HCN1: variants seen among roughly 807,000 people sequenced by gnomAD.
The protein encoded by HCN1 is potassium/sodium hyperpolarization-activated cyclic nucleotide-gated channel 1.
Under a neutral mutation model 78.9 loss-of-function variants are expected in HCN1, and 13 were observed. The observed-to-expected ratio is 0.16, with a 90% CI of 0.11 to 0.26. The LOEUF (loss-of-function observed/expected upper bound fraction) is 0.26. HCN1 is among the 10% of genes least tolerant of loss of function. The pLI is 1.00. For synonymous variants in HCN1, 552 were observed against 455.5 expected, an observed-to-expected ratio of 1.21 and a Z score of -2.70; for missense variants, 810 against 1,154.3, an observed-to-expected ratio of 0.70 and a Z score of 4.32.
chr5:45,458,881 A>C (rs1741084825), intron 3 of HCN1, among the ~76,000 whole-genome samples: 1 of 152,128 alleles, frequency 6.6e-6, no homozygotes, highest in African/African-American at 2.4e-5. Flanking sequence ...AAGTGTATTA[A>C]ATAAATGCAG....
At chr5:45,346,762 C>T (rs1222964918) in intron 5 of HCN1, among the ~76,000 whole-genome samples, 1 of 152,178 alleles carries the variant, frequency 6.6e-6, no homozygotes, top group Non-Finnish European at 1.5e-5. Context: ...TCACTGATTG[C>T]TAGCACAGCA....
intron 2 of HCN1, among the ~76,000 whole-genome samples, chr5:45,620,332 T>A (rs1745033060): frequency 6.6e-6 from 1 of 152,080 alleles, no homozygotes; most frequent in Non-Finnish European, 1.5e-5. Flanking sequence ...ATGTACAATG[T>A]ACAATATACC....
chr5:45,288,009 C>T (rs1376391811), intron 6 of HCN1, among the ~76,000 whole-genome samples: 4 of 151,962 alleles, frequency 2.6e-5, no homozygotes, highest in Non-Finnish European at 5.9e-5. Context: ...TAGGAATTAA[C>T]ATTATTCCAG....
At chr5:45,464,969 G>A (rs920327937) in intron 2 of HCN1, among the ~76,000 whole-genome samples, 2 of 152,104 alleles carry the variant, frequency 1.3e-5, no homozygotes, top group African/African-American at 2.4e-5. Flanking sequence ...AAATCTAAGT[G>A]TGACTTTATT....
intron 2 of HCN1, among the ~76,000 whole-genome samples, chr5:45,519,683 G>C (rs1251769673): frequency 1.3e-5 from 2 of 151,844 alleles, no homozygotes; most frequent in Non-Finnish European, 2.9e-5. Context: ...ATGAGATTTT[G>C]AGTCTCATTA....
rs370563990 is a variant in HCN1 at position 45,645,018 on chromosome 5, T to C, written c.849+167A>G. ...TTCAAATCCATTATTTGATCATATATTTTAGGGATACAAATATATCACTTA... is the reference window on the plus strand; with the variant it reads ...TTCAAATCCATTATTTGATCATATACTTTAGGGATACAAATATATCACTTA... On this transcript the variant is annotated intron_variant, in intron 2 of 7. Transcript: ENST00000303230. The C allele has an allele frequency of 1.9e-3, 1,074 of 580,122 alleles. 27 individuals carry two copies. In the South Asian group the frequency reaches 0.024, roughly 13 times the overall value. 35.9% of individuals were successfully genotyped at this position (580,122 alleles called of 1,614,324 possible).
intron 2 of HCN1, among the ~76,000 whole-genome samples, chr5:45,541,700 A>C (rs1398408111): frequency 6.6e-6 from 1 of 152,222 alleles, no homozygotes; most frequent in African/African-American, 2.4e-5. Flanking sequence ...ACAAAACTTA[A>C]AAAACAGAAC....
At chr5:45,425,780 TTTACCGACAG>T (rs1289260820) in intron 3 of HCN1, among the ~76,000 whole-genome samples, 3 of 152,106 alleles carry the variant, frequency 2.0e-5, no homozygotes, top group African/African-American at 7.2e-5. Context: ...ATTAAGAGAT[TTTACCGACAG>T]AAGAGTGTGA....
chr5:45,408,839 C>G (rs1485479404), intron 3 of HCN1, among the ~76,000 whole-genome samples: 2 of 151,996 alleles, frequency 1.3e-5, no homozygotes, highest in South Asian at 2.1e-4. Context: ...AAACAAAAAA[C>G]GTTGTATATA....
At chr5:45,331,601 ATCTT>A (rs966327150) in intron 5 of HCN1, among the ~76,000 whole-genome samples, 1 of 151,378 alleles carries the variant, frequency 6.6e-6, no homozygotes, top group African/African-American at 2.4e-5. Context: ...AAGAGCTCAG[ATCTT>A]TCTAATATTT....
chr5:45,470,733 C>T (rs1410549572), intron 2 of HCN1, among the ~76,000 whole-genome samples: 4 of 151,918 alleles, frequency 2.6e-5, no homozygotes, highest in Admixed American at 6.6e-5. Flanking sequence ...ACTGAAACCA[C>T]CTATTAAGTA....
chr5:45,511,108 T>C (rs909611656), intron 2 of HCN1, among the ~76,000 whole-genome samples: 4 of 152,076 alleles, frequency 2.6e-5, no homozygotes, highest in African/African-American at 9.7e-5. Flanking sequence ...AGTACCTAGA[T>C]GATGGTTTCT....
At chr5:45,661,153 C>A (rs1197713395) in intron 1 of HCN1, among the ~76,000 whole-genome samples, 5 of 146,742 alleles carry the variant, frequency 3.4e-5, no homozygotes, top group African/African-American at 1.3e-4. Context: ...AAGAATCTCA[C>A]TCAAAGCCGC....
At chr5:45,617,984 A>ATTTAAAAAAAGACATTCCAATGAGACT (rs1403984614) in intron 2 of HCN1, among the ~76,000 whole-genome samples, 21 of 151,826 alleles carry the variant, frequency 1.4e-4, no homozygotes, top group Middle Eastern at 3.4e-3. Flanking sequence ...TCTCTGGTGA[A>ATTTAAAAAAAGACATTCCAATGAGACT]ATAACAAAGC....
At chr5:45,626,969 CAT>C (rs199807357) in intron 2 of HCN1, among the ~76,000 whole-genome samples, 2,408 of 150,884 alleles carry the variant, frequency 0.016, 63 homozygotes, top group African/African-American at 0.056. Flanking sequence ...ACACACATGC[CAT>C]ATATATATGT....
At chr5:45,487,378 T>A (rs1212047270) in intron 2 of HCN1, among the ~76,000 whole-genome samples, 1 of 152,126 alleles carries the variant, frequency 6.6e-6, no homozygotes, top group Admixed American at 6.6e-5. Context: ...TCTTGTTCAA[T>A]ATAAAGTATA....
intron 2 of HCN1, among the ~76,000 whole-genome samples, chr5:45,620,661 A>G (rs1745041916): frequency 6.6e-6 from 1 of 151,238 alleles, no homozygotes; most frequent in Non-Finnish European, 1.5e-5. Flanking sequence ...AAATACAAAA[A>G]ATGACCAAGC....
intron 3 of HCN1, 66 bp downstream of exon 3, chr5:45,461,780 T>C: frequency 1.5e-6 from 2 of 1,336,700 alleles, no homozygotes; most frequent in East Asian, 2.3e-5. Context: ...CATTGTAACA[T>C]AATTACTTAA....
intron 2 of HCN1, among the ~76,000 whole-genome samples, chr5:45,590,491 T>C (rs957162220): frequency 1.3e-5 from 2 of 152,210 alleles, no homozygotes; most frequent in Non-Finnish European, 2.9e-5. Flanking sequence ...TGAATCTACA[T>C]TGACACTTTG....
Sources: allele counts gnomAD v4.1 joint callset (sites outside exome capture counted in the v4.1 genomes callset), GRCh38; gene constraint gnomAD v4.1.1; transcripts MANE v1.5; gene names NCBI Gene and HGNC (gene_info 2026-07-23, HGNC 2026-07-21).